The following MRC1 variants were observed in gnomAD, a reference collection of about 807,000 sequenced individuals.
MRC1 encodes the protein macrophage mannose receptor 1.
In MRC1, 62 loss-of-function variants were observed where a neutral mutation model predicts 102.9. The observed-to-expected ratio is 0.60, with a 90% CI of 0.49 to 0.74. MRC1 has a LOEUF of 0.74. MRC1 is among the 30% of genes least tolerant of loss of function. The probability of loss-of-function intolerance (pLI) is 0.00; values close to 1 mark genes in which losing one functional copy is unlikely to be tolerated. For synonymous variants in MRC1, 457 were observed against 298.4 expected, an observed-to-expected ratio of 1.53 and a Z score of -5.48; for missense variants, 1,237 against 862.8, an observed-to-expected ratio of 1.43 and a Z score of -5.43.
At chr10:17,894,374 C>G in intron 23 of MRC1, 62 bp downstream of exon 23, 2 of 564,582 alleles carry the variant, frequency 3.5e-6, no homozygotes, top group South Asian at 1.9e-5. Flanking sequence ...CCACTTTTTT[C>G]TTTCTTTCTT....
chr10:17,833,888 T>C, intron 4 of MRC1, 49 bp downstream of exon 4: 1 of 776,498 alleles, frequency 1.3e-6, no homozygotes, highest in Admixed American at 1.7e-5. Context: ...TTTATTTTTA[T>C]ATAATTTAAC....
intron 3 of MRC1, among the ~76,000 whole-genome samples, chr10:17,828,587 T>C (rs1400934329): frequency 1.3e-5 from 2 of 151,432 alleles, no homozygotes; most frequent in African/African-American, 4.9e-5. Flanking sequence ...GTCCTGAATT[T>C]TGTGTCAATG....
chr10:17,809,655 G>A (rs1382500338), intron 1 of MRC1, 129 bp downstream of exon 1: 1 of 775,002 alleles, frequency 1.3e-6, no homozygotes, highest in Non-Finnish European at 2.4e-6. Context: ...CCTGCACCAC[G>A]CAGTCCACGG....
rs1031216397 is a variant in MRC1, at chr10:17,885,345, G to A, written c.3057G>A (p.Thr1019=). The A allele has an allele frequency of 7.7e-6, 6 of 780,740 alleles. No homozygotes were observed. The highest frequency in any genetic ancestry group is 6.8e-5 in the African/African-American group (4 of 59,114). The allele number at this position is 780,740 out of a possible 1,614,324, so 48.4% of individuals were successfully genotyped here. A position where few individuals can be genotyped will look rare whatever the true frequency, so the allele number is the denominator to read the frequency against. ...TGLNDVNSEH[T]FLWTDGRGVH... ...TGAATGATGTCAATTCAGAACACAC[G>A]TTCCTTTGGACGGATGGACGAGGAG... The change falls in exon 22 of 30, where the codon ACG becomes ACA. Residue 1019 remains threonine (T), a synonymous_variant. Transcript: ENST00000569591.
At chr10:17,886,618 C>T (rs526361) in intron 22 of MRC1, among the ~76,000 whole-genome samples, 136,603 of 152,206 alleles carry the variant, frequency 0.9, 61,378 homozygotes, top group Non-Finnish European at 0.91. Flanking sequence ...GCCAGGGTGG[C>T]CTCCAACTCC....
In MRC1 at chr10:17,852,947, G is replaced by A; in HGVS notation, c.1250-20G>A. On this transcript the variant is annotated intron_variant, in intron 7 of 29. Transcript: ENST00000569591. The stretch of plus-strand genomic sequence containing the variant: ...GAAAGCAACCCTTGTATATACCACT[G>A]TGTGTTTCTTCCTGTTTAGAGCCAA... The A allele has an allele frequency of 1.3e-6, 1 of 780,770 alleles. No individual in the cohort carries two copies. Among genetic ancestry groups the A allele is most frequent in the South Asian group, 1.3e-5 (1 of 74,612 alleles). The allele number at this position is 780,770 out of a possible 1,614,324, so 48.4% of individuals were successfully genotyped here.
intron 11 of MRC1, among the ~76,000 whole-genome samples, chr10:17,863,926 G>A (rs1833224089): frequency 6.6e-6 from 1 of 151,568 alleles, no homozygotes; most frequent in African/African-American, 2.4e-5. Flanking sequence ...ATATTGCTGG[G>A]TTATCTGGTC....
chr10:17,873,908 C>T (rs1364018065), intron 16 of MRC1, 83 bp downstream of exon 16: 2 of 840,888 alleles, frequency 2.4e-6, no homozygotes, highest in African/African-American at 3.3e-5. Flanking sequence ...AATTACTTGC[C>T]CTAGGAAGGT....
rs1838884095 is a variant in MRC1, at chr10:17,849,688, C to T, written c.1173C>T (p.Cys391=). 1 of 780,948 alleles carries T rather than the reference C, an allele frequency of 1.3e-6. No individual in the cohort carries two copies. The highest frequency in any genetic ancestry group is 2.4e-6 in the Non-Finnish European group (1 of 418,120). 48.4% of individuals were successfully genotyped at this position (780,948 alleles called of 1,614,324 possible). A position where few individuals can be genotyped will look rare whatever the true frequency, so the allele number is the denominator to read the frequency against. ...TCCAGAGGGATGCTCTGACCACCTG[C>T]AGGAAGGAAGGCGGTGACCTCACAA... ...KKIQRDALTT[C]RKEGGDLTSI... Residue 391 remains cysteine (C), a synonymous_variant, in exon 7 of 30, where the codon TGC becomes TGT. Transcript: ENST00000569591.
intron 1 of MRC1, among the ~76,000 whole-genome samples, chr10:17,819,453 ATGTGTGTGTGTGTGTGTGTGTGTG>A (rs59778334): frequency 2.8e-4 from 41 of 145,780 alleles, no homozygotes; most frequent in Admixed American, 2.7e-3. Flanking sequence ...TCAGAGTTGT[ATGTGTGTGTGTGTGTGTGTGTGTG>A]TGTGTGTGTG....
chr10:17,878,968 A>G (rs1833475272), intron 18 of MRC1, among the ~76,000 whole-genome samples: 1 of 152,170 alleles, frequency 6.6e-6, no homozygotes, highest in African/African-American at 2.4e-5. Flanking sequence ...CTGAATTTCT[A>G]TAATTTATAG....
At chr10:17,885,648 G>C (rs1833582483) in intron 22 of MRC1, among the ~76,000 whole-genome samples, 1 of 152,160 alleles carries the variant, frequency 6.6e-6, no homozygotes, top group African/African-American at 2.4e-5. Context: ...GCAATAGTGA[G>C]AGGTCAGGAA....
intron 6 of MRC1, 78 bp downstream of exon 6, chr10:17,845,513 G>T (rs1838813526): frequency 2.6e-6 from 2 of 769,598 alleles, no homozygotes; most frequent in Non-Finnish European, 4.9e-6. Context: ...AGGTGTAACT[G>T]TTGGAATGCC....
rs921517593 is a variant in MRC1 at position 17,849,620 on chromosome 10, T to C, written c.1105T>C (p.Tyr369His). Residue 369 changes from tyrosine (Y) to histidine (H), a missense_variant, in exon 7 of 30, where the codon TAT (tyrosine) becomes CAT (histidine). Transcript: ENST00000569591. ...TCACTGTCCTAGTCAGTGGTGGCCGTATGCCGGTCACTGTTACAAGATTCA... is the reference window on the plus strand; with the variant it reads ...TCACTGTCCTAGTCAGTGGTGGCCGCATGCCGGTCACTGTTACAAGATTCA... ...PTHCPSQWWP[Y>H]AGHCYKIHRD... 2.6e-6 allele frequency: 2 copies of C among 780,968 alleles called. No homozygotes were observed. The highest frequency in any genetic ancestry group is 4.8e-6 in the Non-Finnish European group (2 of 418,092). 48.4% of individuals were successfully genotyped at this position (780,968 alleles called of 1,614,324 possible).
chr10:17,867,364 C>CCTCCTT (rs1418486516), intron 12 of MRC1, among the ~76,000 whole-genome samples: 1 of 141,254 alleles, frequency 7.1e-6, no homozygotes, highest in African/African-American at 2.7e-5. Context: ...TTCTCCTTCT[C>CCTCCTT]CTTCTTCTTC....
chr10:17,845,573 C>T (rs1838814627), intron 6 of MRC1, 138 bp downstream of exon 6: 2 of 715,532 alleles, frequency 2.8e-6, no homozygotes, highest in Non-Finnish European at 5.1e-6. Context: ...GATATTACTG[C>T]AATATTTCTG....
At chr10:17,863,710 G>T (rs1833219502) in intron 11 of MRC1, 28 bp downstream of exon 11, 1 of 778,724 alleles carries the variant, frequency 1.3e-6, no homozygotes, top group Non-Finnish European at 2.4e-6. Flanking sequence ...GTTGAGGGTT[G>T]CTTTCACCCT....
chr10:17,877,562 T>G (rs1833454237), intron 17 of MRC1, among the ~76,000 whole-genome samples: 1 of 151,874 alleles, frequency 6.6e-6, no homozygotes, highest in Non-Finnish European at 1.5e-5. Flanking sequence ...TTTAATAACT[T>G]GAATTTGTAA....
intron 5 of MRC1, 33 bp from the exon 6 acceptor site, chr10:17,845,256 A>G (rs782648917): frequency 5.1e-6 from 4 of 780,670 alleles, no homozygotes; most frequent in African/African-American, 3.4e-5. Context: ...AATAGCTATA[A>G]TAGTCCACTT....
Sources: gnomAD v4.1 joint callset for allele counts (sites outside exome capture counted in the v4.1 genomes callset) on GRCh38, gnomAD v4.1.1 for gene constraint, MANE v1.5 for transcripts, NCBI Gene and HGNC (gene_info 2026-07-23, HGNC 2026-07-21) for gene names.